The following NELL1 variants were observed in gnomAD, a reference collection of about 807,000 sequenced individuals.
NELL1 encodes the protein protein kinase C-binding protein NELL1.
NELL1 carries 76 observed loss-of-function variants against 107.4 expected under a neutral mutation model. The observed-to-expected ratio is 0.71, with a 90% CI of 0.59 to 0.86. The LOEUF is 0.86. NELL1 is among the 40% of genes least tolerant of loss of function. The probability of loss-of-function intolerance (pLI) is 0.00; values close to 1 mark genes in which losing one functional copy is unlikely to be tolerated. For synonymous variants in NELL1, 353 were observed against 341.2 expected, an observed-to-expected ratio of 1.03 and a Z score of -0.38; for missense variants, 1,024 against 1,005.5, an observed-to-expected ratio of 1.02 and a Z score of -0.25.
chr11:20,989,255 T>A (rs1464121105), intron 12 of NELL1, among the ~76,000 whole-genome samples: 2 of 152,198 alleles, frequency 1.3e-5, no homozygotes, highest in Non-Finnish European at 1.5e-5. Flanking sequence ...GTTCTCTGAA[T>A]AGGGGCTTCT....
Position 21,217,943 on chromosome 11 carries a change from T to C in NELL1, c.1427-11389T>C, listed in dbSNP as rs984692187. On this transcript the variant is annotated intron_variant, in intron 13 of 19. Coordinates refer to ENST00000357134, the MANE Select transcript of NELL1 (RefSeq NM_006157.5). ...ATTTATTAGAGCCTTCCTGAGACTT[T>C]CCATGGACAGGAAATGAGAAGGAAG... Among the ~76,000 whole-genome samples the C allele has an allele frequency of 1.1e-3, 167 of 152,264 alleles. 1 individual carries two copies. Among genetic ancestry groups the C allele is most frequent in the Non-Finnish European group, 2.8e-4 (19 of 67,994 alleles).
intron 2 of NELL1, among the ~76,000 whole-genome samples, chr11:20,768,843 T>C (rs777424306): frequency 1.3e-5 from 2 of 152,184 alleles, no homozygotes; most frequent in Non-Finnish European, 2.9e-5. Flanking sequence ...TCTTGGTTTT[T>C]GTCCTGTGAA....
intron 5 of NELL1, among the ~76,000 whole-genome samples, chr11:20,906,382 G>A (rs1849998626): frequency 6.6e-6 from 1 of 152,076 alleles, no homozygotes; most frequent in African/African-American, 2.4e-5. Flanking sequence ...TAAAGTCTGG[G>A]ACCAGATGGC....
In NELL1 at chr11:21,452,154, G is replaced by T. The variant is rs1349256701; in HGVS notation, c.1645+81206G>T. ...AGAGAGGAAGGAAACATTGATTGTG[G>T]TACCTGTTATCTTAGAGATTTTCAC... On this transcript the variant is annotated intron_variant, in intron 15 of 19. Transcript: ENST00000357134. Among the ~76,000 whole-genome samples, 10 of 149,198 alleles carry T rather than the reference G, an allele frequency of 6.7e-5. 3 individuals carry two copies. The highest frequency in any genetic ancestry group is 2.5e-4 in the African/African-American group (10 of 40,330).
intron 12 of NELL1, among the ~76,000 whole-genome samples, chr11:20,996,241 T>C (rs1210204691): frequency 6.6e-6 from 1 of 152,180 alleles, no homozygotes; most frequent in Non-Finnish European, 1.5e-5. Flanking sequence ...GTTTAAAGCT[T>C]CCTCACAGCT....
chr11:20,715,942 A>G (rs1382288668), intron 2 of NELL1, among the ~76,000 whole-genome samples: 1 of 152,214 alleles, frequency 6.6e-6, no homozygotes, highest in East Asian at 1.9e-4. Context: ...TCTTTCATGA[A>G]TGTTCTGATT....
rs184081471 is a variant in NELL1, at chr11:21,290,933, C to T, written c.1549+61479C>T. Among the ~76,000 whole-genome samples, 332 of 152,308 alleles carry T rather than the reference C, an allele frequency of 2.2e-3. 4 individuals carry two copies. The highest frequency in any genetic ancestry group is 3.6e-3 in the Non-Finnish European group (246 of 68,036). On this transcript the variant is annotated intron_variant, in intron 14 of 19. Coordinates refer to ENST00000357134, the MANE Select transcript of NELL1 (RefSeq NM_006157.5). ...AATTCCAAAAACAAGAATGCCTCTT[C>T]TCCCCCAAAGCATCACAGCTCCTCT...
intron 15 of NELL1, among the ~76,000 whole-genome samples, chr11:21,491,310 C>T (rs1854802289): frequency 6.6e-6 from 1 of 152,224 alleles, no homozygotes; most frequent in African/African-American, 2.4e-5. Flanking sequence ...AGATTTTCTT[C>T]TAGGGTTTCT....
rs1222524046 is a variant in NELL1 at position 20,900,806 on chromosome 11, A to G, written c.603+15266A>G. Among the ~76,000 whole-genome samples, 5 of 152,096 alleles carry G rather than the reference A, an allele frequency of 3.3e-5. No homozygotes were observed. The South Asian group carries it at 8.3e-4, about 25-fold the overall frequency. ...GAGAGAGAACAAGTTGATTATTTCA[A>G]TAGTGAAAATTTGTTTTTATCTTCA... On this transcript the variant is annotated intron_variant, in intron 5 of 19. Transcript: ENST00000357134.
intron 1 of NELL1, 118 bp from the exon 2 acceptor site, chr11:20,677,814 C>A: frequency 8.7e-7 from 1 of 1,149,416 alleles, no homozygotes; most frequent in Non-Finnish European, 1.3e-6. Context: ...TAGACAAAGA[C>A]TCTCCAAGCA....
intron 14 of NELL1, among the ~76,000 whole-genome samples, chr11:21,304,158 TG>T (rs1849557367): frequency 6.6e-6 from 1 of 152,038 alleles, no homozygotes; most frequent in Non-Finnish European, 1.5e-5. Flanking sequence ...TTACTGATCA[TG>T]GTTATAATAC....
chr11:20,868,099 G>A (rs533449026), intron 4 of NELL1, among the ~76,000 whole-genome samples: 19 of 152,184 alleles, frequency 1.2e-4, no homozygotes, highest in Admixed American at 6.5e-4. Context: ...AATCCTGTGT[G>A]ATGTGAGAGC....
At chr11:21,489,162 C>A (rs1326002391) in intron 15 of NELL1, among the ~76,000 whole-genome samples, 2 of 151,530 alleles carry the variant, frequency 1.3e-5, no homozygotes, top group Admixed American at 1.3e-4. Flanking sequence ...TATACACTAA[C>A]AAACCCCAAA....
At chr11:21,206,367 T>C (rs1857390072) in intron 13 of NELL1, among the ~76,000 whole-genome samples, 1 of 152,150 alleles carries the variant, frequency 6.6e-6, no homozygotes, top group Non-Finnish European at 1.5e-5. Context: ...TTAGGGCCCA[T>C]ACTAATCCCA....
At chr11:20,846,285 A>G (rs905038823) in intron 3 of NELL1, among the ~76,000 whole-genome samples, 2 of 152,142 alleles carry the variant, frequency 1.3e-5, no homozygotes, top group African/African-American at 4.8e-5. Flanking sequence ...AGCAAGAAAT[A>G]TGTATTTGTT....
At chr11:21,253,914 A>G (rs1360625012) in intron 14 of NELL1, among the ~76,000 whole-genome samples, 1 of 152,142 alleles carries the variant, frequency 6.6e-6, no homozygotes, top group Non-Finnish European at 1.5e-5. Context: ...AGGAACCTCA[A>G]CCTCTTAGTT....
chr11:21,170,073 A>G, intron 13 of NELL1: 1 of 1,057,906 alleles, frequency 9.5e-7, no homozygotes, highest in South Asian at 1.4e-5. Context: ...AGCCTCTTGG[A>G]GTCCAAGTTC....
intron 3 of NELL1, among the ~76,000 whole-genome samples, chr11:20,845,586 A>G (rs1355835079): frequency 6.6e-6 from 1 of 152,202 alleles, no homozygotes; most frequent in African/African-American, 2.4e-5. Context: ...GTGCATTTCT[A>G]TACAGGTGCT....
intron 14 of NELL1, among the ~76,000 whole-genome samples, chr11:21,306,047 A>G (rs1429905765): frequency 1.3e-5 from 2 of 151,912 alleles, no homozygotes; most frequent in Admixed American, 6.6e-5. Context: ...GTGTTTTTAT[A>G]GATTAGTATT....
Sources: gnomAD v4.1 joint callset for allele counts (sites outside exome capture counted in the v4.1 genomes callset) on GRCh38, gnomAD v4.1.1 for gene constraint, MANE v1.5 for transcripts, NCBI Gene and HGNC (gene_info 2026-07-23, HGNC 2026-07-21) for gene names.